ABL1: variants seen among roughly 807,000 people sequenced by gnomAD.
ABL1 encodes tyrosine-protein kinase ABL1.
A neutral mutation model predicts 94.7 loss-of-function variants in ABL1; 11 were observed. The ratio of observed to expected loss-of-function variants is 0.12; its 90% CI spans 0.07 to 0.19. ABL1 has a LOEUF of 0.19. ABL1 is among the 10% of genes least tolerant of loss of function. ABL1 has a pLI of 1.00. For synonymous variants in ABL1, 656 were observed against 622.4 expected, an observed-to-expected ratio of 1.05 and a Z score of -0.80; for missense variants, 1,082 against 1,489.4, an observed-to-expected ratio of 0.73 and a Z score of 4.50.
At chr9:130,836,090 C>G (rs180881345) in intron 1 of ABL1, among the ~76,000 whole-genome samples, 1 of 152,370 alleles carries the variant, frequency 6.6e-6, no homozygotes, top group East Asian at 1.9e-4. Context: ...TTCAAGTGAT[C>G]TTTCCATCTC....
In ABL1 at chr9:130,854,046, C is replaced by T. The variant is rs745492128; in HGVS notation, c.80-18C>T. The T allele has an allele frequency of 2.6e-6, 4 of 1,565,568 alleles. No homozygotes were observed. Among genetic ancestry groups the T allele is most frequent in the Admixed American group, 2.1e-5 (1 of 48,594 alleles). On this transcript the variant is annotated intron_variant, in intron 1 of 10. Coordinates refer to ENST00000318560, the MANE Select transcript of ABL1 (RefSeq NM_005157.6). ...TCTCTTCCTTTTTCTTTTTTCTGTTCCCCCCTTTCTCTTCCAGAAGCCCTT... is the reference window on the plus strand; with the variant it reads ...TCTCTTCCTTTTTCTTTTTTCTGTTTCCCCCTTTCTCTTCCAGAAGCCCTT...
chr9:130,845,683 A>T (rs879379574), intron 1 of ABL1, among the ~76,000 whole-genome samples: 6 of 152,162 alleles, frequency 3.9e-5, no homozygotes, highest in Non-Finnish European at 5.9e-5. Context: ...GGACCTTGTT[A>T]TTTAATGTGC....
At chr9:130,857,126 A>C (rs924438390) in intron 3 of ABL1, among the ~76,000 whole-genome samples, 2 of 152,172 alleles carry the variant, frequency 1.3e-5, no homozygotes, top group African/African-American at 2.4e-5. Flanking sequence ...TAATCCACTA[A>C]ATTTATTTCA....
chr9:130,759,487 T>G (rs1370508323), intron 1 of ABL1, among the ~76,000 whole-genome samples: 3 of 152,244 alleles, frequency 2.0e-5, no homozygotes, highest in Admixed American at 6.5e-5. Context: ...ATTTGCTTTT[T>G]GTCTAACATC....
At chr9:130,724,149 G>A (rs868543783) in intron 1 of ABL1, among the ~76,000 whole-genome samples, 69 of 150,914 alleles carry the variant, frequency 4.6e-4, no homozygotes, top group African/African-American at 1.5e-3. Context: ...TTGCTTTGTC[G>A]CCCAGGCTGG....
At position 130,872,723 on chromosome 9, in the gene ABL1, G is replaced by T; in HGVS notation, c.908-137G>T. 1.2e-6 allele frequency: 1 copy of T among 803,036 alleles called. No individual in the cohort carries two copies. The allele number at this position is 803,036 out of a possible 1,614,324, so 49.7% of individuals were successfully genotyped here. ...ACGAGCACAGTCTCAGGATGCAGGTGCTTGGGACCATGTTGGAAGTTGGGC... is the reference window on the plus strand; with the variant it reads ...ACGAGCACAGTCTCAGGATGCAGGTTCTTGGGACCATGTTGGAAGTTGGGC... On this transcript the variant is annotated intron_variant, in intron 5 of 10. Transcript: ENST00000318560. This position sits in a 1 kb window ranked among gnomAD's most constrained non-coding sequence, Gnocchi z 5.0.
At chr9:130,865,631 A>G (rs1224343399) in intron 4 of ABL1, among the ~76,000 whole-genome samples, 1 of 151,014 alleles carries the variant, frequency 6.6e-6, no homozygotes, top group Non-Finnish European at 1.5e-5. Context: ...GTGTATTCCT[A>G]GCTACTTGGG....
chr9:130,739,620 C>T (rs564156825), intron 1 of ABL1, among the ~76,000 whole-genome samples: 2 of 152,188 alleles, frequency 1.3e-5, no homozygotes, highest in South Asian at 4.2e-4. Flanking sequence ...GCCCTAAGAC[C>T]ATTTTTCAGG....
At chr9:130,797,782 C>T (rs958850321) in intron 1 of ABL1, among the ~76,000 whole-genome samples, 11 of 152,150 alleles carry the variant, frequency 7.2e-5, no homozygotes, top group African/African-American at 2.4e-4. Flanking sequence ...ATTCCAAACA[C>T]GTTCCATATA....
At chr9:130,725,413 T>C (rs1831568475) in intron 1 of ABL1, among the ~76,000 whole-genome samples, 1 of 152,138 alleles carries the variant, frequency 6.6e-6, no homozygotes, top group Admixed American at 6.5e-5. Context: ...GGAGTTTTGC[T>C]CTTGTTGCCC....
At chr9:130,781,652 A>G (rs558819836) in intron 1 of ABL1, among the ~76,000 whole-genome samples, 1 of 152,190 alleles carries the variant, frequency 6.6e-6, no homozygotes, top group Admixed American at 6.5e-5. Context: ...ATTTGAAAAT[A>G]TGTCTTTTAT....
At chr9:130,778,357 C>T (rs1829698140) in intron 1 of ABL1, among the ~76,000 whole-genome samples, 1 of 152,084 alleles carries the variant, frequency 6.6e-6, no homozygotes, top group South Asian at 2.1e-4. Context: ...AGGAACCTCT[C>T]AGGGCTTTGT....
Position 130,848,985 on chromosome 9 carries a change from A to G in ABL1, c.80-5079A>G, listed in dbSNP as rs79316962. On this transcript the variant is annotated intron_variant, in intron 1 of 10. Coordinates refer to ENST00000318560, the MANE Select transcript of ABL1 (RefSeq NM_005157.6). ...GTAAATTTAAAGCACTTAAAATCCC[A>G]CCACCCTGAGTTAACTACTGTTCAC... is the stretch of plus-strand genomic sequence containing the variant. 7.8e-4 allele frequency among the ~76,000 whole-genome samples: 118 copies of G among 152,064 alleles called. 2 individuals are homozygous for G. The East Asian group carries it at 0.014, about 19-fold the overall frequency.
intron 1 of ABL1, among the ~76,000 whole-genome samples, chr9:130,755,106 G>A (rs1293854516): frequency 1.3e-5 from 2 of 152,152 alleles, no homozygotes; most frequent in African/African-American, 4.8e-5. Flanking sequence ...AACAGTACTT[G>A]GCACATGGTA....
At chr9:130,745,650 G>T (rs1260355813) in intron 1 of ABL1, among the ~76,000 whole-genome samples, 2 of 151,828 alleles carry the variant, frequency 1.3e-5, no homozygotes, top group African/African-American at 4.8e-5. Flanking sequence ...AAATATTTTA[G>T]CCTGAGTTCT....
intron 1 of ABL1, among the ~76,000 whole-genome samples, chr9:130,781,450 C>A (rs955952424): frequency 1.3e-5 from 2 of 152,172 alleles, no homozygotes; most frequent in African/African-American, 4.8e-5. Context: ...ACATTCTTGA[C>A]CCTCAGTCAT....
intron 1 of ABL1, among the ~76,000 whole-genome samples, chr9:130,746,029 A>G (rs1449634381): frequency 1.3e-5 from 2 of 152,124 alleles, no homozygotes; most frequent in African/African-American, 4.8e-5. Context: ...CTGGCCAAAT[A>G]GAGAGACAAG....
At position 130,886,194 on chromosome 9, in the gene ABL1, C is replaced by T. The variant is rs531932345; in HGVS notation, c.*511C>T. 2.1e-5 allele frequency: 5 copies of T among 239,750 alleles called. No individual in the cohort carries two copies. The highest frequency in any genetic ancestry group is 1.8e-4 in the East Asian group (3 of 16,712). The allele number at this position is 239,750 out of a possible 1,614,324, so 14.9% of individuals were successfully genotyped here. On this transcript the variant is annotated 3_prime_UTR_variant, in exon 11 of 11. Coordinates refer to ENST00000318560, the MANE Select transcript of ABL1 (RefSeq NM_005157.6). The stretch of plus-strand genomic sequence containing the variant: ...GTGTGCTGAAGACATGTTTCAAGAA[C>T]CGCATTTCGGGAAGGGCATGCACGG...
Position 130,884,114 on chromosome 9 carries a change from G to T in ABL1, c.1824G>T (p.Lys608Asn). Reference sequence around the variant, plus strand: ...TCAGCGCCTTGATCAAGAAGAAGAAGAAGACAGCCCCAACCCCTCCCAAAC... The same window carrying T: ...TCAGCGCCTTGATCAAGAAGAAGAATAAGACAGCCCCAACCCCTCCCAAAC... ...NLFSALIKKK[K>N]KTAPTPPKRS... The change falls in exon 11 of 11, where the codon AAG (lysine) becomes AAT (asparagine). Residue 608 changes from lysine (K) to asparagine (N), a missense_variant. Physicochemically the swap from Lys to Asn is moderately conservative, Grantham distance 94. This residue lies in a region of ABL1 where 780 missense variants were observed against 835.8 expected (regional missense o/e 0.93). Coordinates refer to ENST00000318560, the MANE Select transcript of ABL1 (RefSeq NM_005157.6). This position sits in a 1 kb window ranked among gnomAD's most constrained non-coding sequence, Gnocchi z 5.6. 6.2e-7 allele frequency: 1 copy of T among 1,613,816 alleles called. No homozygotes were observed. Among genetic ancestry groups the T allele is most frequent in the Non-Finnish European group, 8.5e-7 (1 of 1,180,042 alleles).
Sources: gnomAD v4.1 joint callset for allele counts (sites outside exome capture counted in the v4.1 genomes callset) on GRCh38, gnomAD v4.1.1 for gene constraint, gnomAD v4.1.1 regional missense constraint, Gnocchi (gnomAD v3.1) non-coding constraint, MANE v1.5 for transcripts, NCBI Gene and HGNC (gene_info 2026-07-23, HGNC 2026-07-21) for gene names.